DOK6: variants seen among roughly 807,000 people sequenced by gnomAD.
DOK6 encodes the protein docking protein 6.
In DOK6, 22 loss-of-function variants were observed where a neutral mutation model predicts 44.0. That is an observed-to-expected ratio of 0.50 (90% CI 0.36 to 0.71). The LOEUF (loss-of-function observed/expected upper bound fraction) is 0.71. DOK6 is among the 30% of genes least tolerant of loss of function. The probability of loss-of-function intolerance (pLI) is 0.00; values close to 1 mark genes in which losing one functional copy is unlikely to be tolerated. For synonymous variants in DOK6, 166 were observed against 145.5 expected (o/e 1.14, Z -1.01); for missense variants, 340 against 416.4 (o/e 0.82, Z 1.60).
At chr18:69,520,125 T>G (rs1032004491) in intron 1 of DOK6, among the ~76,000 whole-genome samples, 2 of 151,826 alleles carry the variant, frequency 1.3e-5, no homozygotes, top group Admixed American at 6.6e-5. Context: ...CATAAAAAAC[T>G]TGACATTTAT....
intron 1 of DOK6, among the ~76,000 whole-genome samples, chr18:69,514,716 T>G (rs1444079399): frequency 1.8e-5 from 1 of 55,246 alleles, no homozygotes; most frequent in African/African-American, 4.2e-5. Flanking sequence ...AGGTTTTTTG[T>G]TTTTTTTTAA....
intron 1 of DOK6, among the ~76,000 whole-genome samples, chr18:69,516,946 T>C (rs190053083): frequency 9.9e-5 from 15 of 152,030 alleles, no homozygotes; most frequent in African/African-American, 3.4e-4. Flanking sequence ...CCTCACAAAG[T>C]GCTGGGATTA....
At chr18:69,507,406 CCTCT>C (rs1396633963) in intron 1 of DOK6, among the ~76,000 whole-genome samples, 2 of 152,032 alleles carry the variant, frequency 1.3e-5, no homozygotes, top group Non-Finnish European at 2.9e-5. Context: ...AATTGTTTTG[CCTCT>C]CTAATTCCCT....
intron 7 of DOK6, among the ~76,000 whole-genome samples, chr18:69,803,535 C>T (rs1435920704): frequency 1.3e-5 from 2 of 152,080 alleles, no homozygotes; most frequent in African/African-American, 2.4e-5. Flanking sequence ...GAAAGAAATT[C>T]CAAAGGGAAG....
chr18:69,547,952 A>AT (rs1299364384), intron 1 of DOK6, among the ~76,000 whole-genome samples: 6 of 136,174 alleles, frequency 4.4e-5, no homozygotes, highest in Admixed American at 2.2e-4. Flanking sequence ...AATATATATA[A>AT]AATATATATA....
At chr18:69,824,609 C>A (rs1335444061) in intron 7 of DOK6, among the ~76,000 whole-genome samples, 2 of 152,338 alleles carry the variant, frequency 1.3e-5, no homozygotes, top group East Asian at 3.9e-4. Flanking sequence ...GATCCTCCCA[C>A]CTTGGCCTCC....
At chr18:69,464,872 A>G (rs930877016) in intron 1 of DOK6, among the ~76,000 whole-genome samples, 2 of 152,240 alleles carry the variant, frequency 1.3e-5, no homozygotes, top group African/African-American at 4.8e-5. Flanking sequence ...CAATAAAGAC[A>G]AAACCTCTAT....
intron 7 of DOK6, among the ~76,000 whole-genome samples, chr18:69,762,831 T>A (rs921222022): frequency 6.6e-6 from 1 of 152,224 alleles, no homozygotes; most frequent in Non-Finnish European, 1.5e-5. Context: ...CATTGCTAGA[T>A]ACACACGTAA....
intron 2 of DOK6, among the ~76,000 whole-genome samples, chr18:69,580,552 T>C (rs556366233): frequency 7.9e-4 from 121 of 152,322 alleles, no homozygotes; most frequent in African/African-American, 2.8e-3. Flanking sequence ...TTATTTTCAA[T>C]TGACACATAA....
chr18:69,460,680 G>A (rs978595019), intron 1 of DOK6, among the ~76,000 whole-genome samples: 3 of 152,148 alleles, frequency 2.0e-5, no homozygotes, highest in Non-Finnish European at 4.4e-5. Flanking sequence ...TATATAATCA[G>A]TTATGTGTTT....
chr18:69,633,863 T>C (rs1382152036), intron 3 of DOK6, among the ~76,000 whole-genome samples: 1 of 152,162 alleles, frequency 6.6e-6, no homozygotes, highest in African/African-American at 2.4e-5. Context: ...CTGTACTAAG[T>C]ACCGAGTAAG....
At chr18:69,527,497 G>A (rs1281368147) in intron 1 of DOK6, among the ~76,000 whole-genome samples, 1 of 152,196 alleles carries the variant, frequency 6.6e-6, no homozygotes, top group East Asian at 1.9e-4. Flanking sequence ...AGAACAGCAT[G>A]GTGGTAACTG....
intron 3 of DOK6, among the ~76,000 whole-genome samples, chr18:69,612,399 T>TTGTGTGCGAGGGCACA (rs1984165077): frequency 1.6e-5 from 1 of 62,414 alleles, no homozygotes; most frequent in African/African-American, 5.9e-5. Context: ...CGAAGAGACT[T>TTGTGTGCGAGGGCACA]TGTGTGCGAG....
At chr18:69,443,188 G>T (rs1979184243) in intron 1 of DOK6, among the ~76,000 whole-genome samples, 1 of 152,134 alleles carries the variant, frequency 6.6e-6, no homozygotes, top group South Asian at 2.1e-4. Flanking sequence ...GACGTTCCAG[G>T]TTGTTAATTT....
At chr18:69,473,523 A>G (rs1980175156) in intron 1 of DOK6, among the ~76,000 whole-genome samples, 1 of 152,120 alleles carries the variant, frequency 6.6e-6, no homozygotes, top group Non-Finnish European at 1.5e-5. Flanking sequence ...TCTTTCAGCC[A>G]TTGAAGATCC....
chr18:69,780,779 A>G (rs2145089093), intron 7 of DOK6, among the ~76,000 whole-genome samples: 1 of 152,342 alleles, frequency 6.6e-6, no homozygotes, highest in Middle Eastern at 3.4e-3. Flanking sequence ...GGCAAGTTAC[A>G]AAACTGAGCT....
intron 7 of DOK6, among the ~76,000 whole-genome samples, chr18:69,821,485 G>A (rs542158808): frequency 1.3e-5 from 2 of 152,174 alleles, no homozygotes; most frequent in Non-Finnish European, 2.9e-5. Flanking sequence ...CAGTTTATAG[G>A]ATATTTACCC....
intron 5 of DOK6, among the ~76,000 whole-genome samples, chr18:69,736,918 G>A (rs1568110818): frequency 2.0e-5 from 3 of 152,192 alleles, no homozygotes; most frequent in Admixed American, 6.5e-5. Flanking sequence ...TGTGTTAAAT[G>A]CAGATTTAGA....
At position 69,657,896 on chromosome 18, in the gene DOK6, G is replaced by C. The variant is rs181576938; in HGVS notation, c.290-19838G>C. On this transcript the variant is annotated intron_variant, in intron 3 of 7. Coordinates refer to ENST00000382713, the MANE Select transcript of DOK6 (RefSeq NM_152721.6). The stretch of plus-strand genomic sequence containing the variant: ...AGTGGGTGGGTTTTTTGTTTGTTTG[G>C]GTGGTTGTTTGGTTTTGGGTGGGTT... Among the ~76,000 whole-genome samples the C allele has an allele frequency of 1.3e-3, 203 of 152,010 alleles. 1 individual carries two copies. The highest frequency in any genetic ancestry group is 4.5e-3 in the African/African-American group (185 of 41,472).
Sources: allele counts gnomAD v4.1 joint callset (sites outside exome capture counted in the v4.1 genomes callset), GRCh38; gene constraint gnomAD v4.1.1; transcripts MANE v1.5; gene names NCBI Gene and HGNC (gene_info 2026-07-23, HGNC 2026-07-21).